Variants in SLC8A1 observed in about 807,000 individuals in gnomAD.
The protein encoded by SLC8A1 is sodium/calcium exchanger 1.
A neutral mutation model predicts 68.3 loss-of-function variants in SLC8A1; 18 were observed. That is an observed-to-expected ratio of 0.26 (90% confidence interval 0.18 to 0.39). SLC8A1 has a LOEUF of 0.39. Ranked by LOEUF, SLC8A1 falls within the 10% of genes least tolerant of loss-of-function variation. SLC8A1 has a pLI of 1.00. For missense variants in SLC8A1, 985 were observed against 1,156.7 expected (o/e 0.85, Z 2.15); for synonymous variants, 475 against 415.5 (o/e 1.14, Z -1.74).
intron 1 of SLC8A1, among the ~76,000 whole-genome samples, chr2:40,449,725 T>C (rs1047582992): frequency 6.6e-6 from 1 of 152,216 alleles, no homozygotes; most frequent in Non-Finnish European, 1.5e-5. Context: ...CTTCATATTT[T>C]AGTTCATTAC....
chr2:40,508,323 G>C (rs1049468304), intron 1 of SLC8A1, among the ~76,000 whole-genome samples: 1 of 149,950 alleles, frequency 6.7e-6, no homozygotes, highest in African/African-American at 2.5e-5. Flanking sequence ...AGTTTAGGAA[G>C]TTCTCGACAC....
At chr2:40,429,814 A>C (rs1285306398) in exon 2 of SLC8A1, 2 of 1,613,488 alleles carry the variant, frequency 1.2e-6, no homozygotes, top group Non-Finnish European at 1.7e-6. Flanking sequence ...ATGGCCACAC[A>C]CTTCAATTAC....
chr2:40,491,382 G>A (rs1309114003), intron 1 of SLC8A1, among the ~76,000 whole-genome samples: 1 of 152,016 alleles, frequency 6.6e-6, no homozygotes, highest in East Asian at 1.9e-4. Flanking sequence ...AGGAGATTTT[G>A]GGCTGAGACA....
At chr2:40,432,421 G>GTGTA (rs755200954) in intron 1 of SLC8A1, among the ~76,000 whole-genome samples, 2 of 145,518 alleles carry the variant, frequency 1.4e-5, no homozygotes, top group Non-Finnish European at 3.0e-5. Flanking sequence ...GTGTGTGTGT[G>GTGTA]TGTATGTGTC....
intron 2 of SLC8A1, among the ~76,000 whole-genome samples, chr2:40,402,104 T>C (rs1181930669): frequency 6.6e-6 from 1 of 152,150 alleles, no homozygotes. Flanking sequence ...TCAAAGGCCT[T>C]GCTGGTGAAA....
At chr2:40,225,960 G>T (rs981741434) in intron 2 of SLC8A1, among the ~76,000 whole-genome samples, 5 of 152,128 alleles carry the variant, frequency 3.3e-5, no homozygotes, top group Non-Finnish European at 7.4e-5. Flanking sequence ...TACATAATTG[G>T]TGAGCTCCAC....
intron 2 of SLC8A1, among the ~76,000 whole-genome samples, chr2:40,275,690 G>A (rs555499479): frequency 3.3e-5 from 5 of 152,266 alleles, no homozygotes; most frequent in East Asian, 3.9e-4. Flanking sequence ...AATGATCCTC[G>A]TCCTGTCTAC....
Position 40,386,251 on chromosome 2 carries a change from A to G in SLC8A1, c.1808+42222T>C, listed in dbSNP as rs940195367. 7.3e-5 allele frequency among the ~76,000 whole-genome samples: 11 copies of G among 151,356 alleles called. 1 individual carries two copies. The highest frequency in any genetic ancestry group is 2.0e-4 in the Admixed American group (3 of 15,234). On this transcript the variant is annotated intron_variant, in intron 2 of 7. Transcript: ENST00000406785. Reference sequence around the variant, plus strand: ...TTATTAATACAGCTGGAGATAATTTATATTATTTTATTTTAGTTTAGATAT... The same window carrying G: ...TTATTAATACAGCTGGAGATAATTTGTATTATTTTATTTTAGTTTAGATAT...
chr2:40,251,594 T>TA (rs2062759758), intron 2 of SLC8A1: 1 of 152,184 alleles, frequency 6.6e-6, no homozygotes, highest in Non-Finnish European at 1.5e-5. Context: ...AATAATACTT[T>TA]AACCCTTGCA....
chr2:40,450,169 G>A (rs971604793), intron 1 of SLC8A1, among the ~76,000 whole-genome samples: 4 of 152,130 alleles, frequency 2.6e-5, no homozygotes, highest in Non-Finnish European at 5.9e-5. Context: ...AATTAAGCAA[G>A]TTTAGCAAAC....
At chr2:40,430,049 C>T (rs1697890840) in exon 2 of SLC8A1, 1 of 1,613,750 alleles carries the variant, frequency 6.2e-7, no homozygotes, top group Admixed American at 1.7e-5. Context: ...TACACAGTAG[C>T]TCTAGCAATT....
At chr2:40,109,698 A>G (rs1225712795) in exon 8 of SLC8A1, 2 of 152,308 alleles carry the variant, frequency 1.3e-5, no homozygotes, top group East Asian at 3.9e-4. Flanking sequence ...TCACCGAAGA[A>G]CTGCAAAGGC....
At chr2:40,459,754 G>A (rs1214977442) in intron 1 of SLC8A1, among the ~76,000 whole-genome samples, 2 of 152,088 alleles carry the variant, frequency 1.3e-5, no homozygotes, top group African/African-American at 4.8e-5. Flanking sequence ...GGAGGCCATG[G>A]GAATCATGCA....
intron 2 of SLC8A1, among the ~76,000 whole-genome samples, chr2:40,326,447 T>TA (rs77717603): frequency 0.15 from 21,816 of 146,866 alleles, 1,962 homozygotes; most frequent in African/African-American, 0.25. Context: ...AGGGAAGAGA[T>TA]AAAAAAAAAA....
intron 2 of SLC8A1, among the ~76,000 whole-genome samples, chr2:40,193,093 CA>C (rs1281926293): frequency 3.3e-5 from 5 of 152,100 alleles, no homozygotes; most frequent in African/African-American, 9.7e-5. Context: ...TTGTGCCAAT[CA>C]ATCAAGGTAT....
Position 40,277,794 on chromosome 2 carries a change from G to GTATATATATATA in SLC8A1, c.1809-99951_1809-99940dup, listed in dbSNP as rs56145701. Among the ~76,000 whole-genome samples the GTATATATATATA allele has an allele frequency of 8.0e-3, 865 of 107,776 alleles. 2 individuals carry two copies. Among genetic ancestry groups the GTATATATATATA allele is most frequent in the East Asian group, 0.018 (51 of 2,776 alleles). 70.7% of individuals were successfully genotyped at this position (107,776 alleles called of 152,430 possible). A position where few individuals can be genotyped will look rare whatever the true frequency, so the allele number is the denominator to read the frequency against. ...TATGTATAAATATATATATATGTGTGTATATATATATATATATATATATAT... is the reference window on the plus strand; with the variant it reads ...TATGTATAAATATATATATATGTGTGTATATATATATATATATATATATATATATATATATAT... On this transcript the variant is annotated intron_variant, in intron 2 of 7. Coordinates refer to ENST00000406785, the Ensembl canonical transcript of SLC8A1.
At chr2:40,325,966 G>A (rs761671253) in intron 2 of SLC8A1, among the ~76,000 whole-genome samples, 9 of 151,926 alleles carry the variant, frequency 5.9e-5, no homozygotes, top group Non-Finnish European at 1.2e-4. Context: ...CCTCCATAAT[G>A]TCAAGAAGCA....
intron 1 of SLC8A1, among the ~76,000 whole-genome samples, chr2:40,440,283 A>T (rs181435263): frequency 2.0e-5 from 3 of 152,316 alleles, no homozygotes; most frequent in African/African-American, 7.2e-5. Flanking sequence ...GATGAGGATT[A>T]TAATAGATGT....
At chr2:40,386,167 C>G (rs1196436362) in intron 2 of SLC8A1, among the ~76,000 whole-genome samples, 2 of 151,146 alleles carry the variant, frequency 1.3e-5, no homozygotes, top group Admixed American at 6.6e-5. Flanking sequence ...TACATATGCC[C>G]ACGGACAAAA....
Sources: gnomAD v4.1 joint callset for allele counts (sites outside exome capture counted in the v4.1 genomes callset) on GRCh38, gnomAD v4.1.1 for gene constraint, MANE v1.5 for transcripts, NCBI Gene and HGNC (gene_info 2026-07-23, HGNC 2026-07-21) for gene names.